The following DACH2 variants were observed in gnomAD, a reference collection of about 807,000 sequenced individuals.
DACH2 encodes dachshund family transcription factor 2.
A neutral mutation model predicts 35.8 loss-of-function variants in DACH2; 17 were observed. That is an observed-to-expected ratio of 0.48 (90% CI 0.33 to 0.71). The LOEUF is 0.71. Ranked by LOEUF, DACH2 falls within the 30% of genes least tolerant of loss-of-function variation. The pLI is 0.02. For synonymous variants in DACH2, 195 were observed against 177.3 expected (o/e 1.10, Z -0.79); for missense variants, 469 against 472.7 (o/e 0.99, Z 0.07).
chrX:86,327,225 A>T (rs1449316658), intron 1 of DACH2, among the ~76,000 whole-genome samples: 2 of 112,238 alleles, frequency 1.8e-5, no homozygotes, highest in African/African-American at 6.5e-5. Context: ...AGTTGTCACT[A>T]TGAAATATTG....
chrX:86,339,671 C>A (rs2035380343), intron 1 of DACH2, among the ~76,000 whole-genome samples: 1 of 111,657 alleles, frequency 9.0e-6, no homozygotes, highest in South Asian at 3.7e-4. Context: ...ACTCTGGCTT[C>A]AAAGTCTATA....
intron 7 of DACH2, among the ~76,000 whole-genome samples, chrX:86,802,383 G>A (rs1012486835): frequency 1.8e-5 from 2 of 110,649 alleles, no homozygotes; most frequent in Non-Finnish European, 3.8e-5. Context: ...ACCTTCCATT[G>A]ACTCTTTCTA....
At chrX:86,338,337 C>A (rs1356677492) in intron 1 of DACH2, among the ~76,000 whole-genome samples, 1 of 111,512 alleles carries the variant, frequency 9.0e-6, no homozygotes, top group Non-Finnish European at 1.9e-5. Flanking sequence ...TAGAGCAAAT[C>A]TGAAGGAACA....
At chrX:86,559,877 G>T (rs1479524057) in intron 3 of DACH2, among the ~76,000 whole-genome samples, 1 of 64,153 alleles carries the variant, frequency 1.6e-5, no homozygotes, top group Non-Finnish European at 2.7e-5. Context: ...ACACTGATGG[G>T]TCTTGATTCT....
At chrX:86,596,303 A>G (rs2039711504) in intron 3 of DACH2, among the ~76,000 whole-genome samples, 1 of 111,772 alleles carries the variant, frequency 8.9e-6, no homozygotes, top group Non-Finnish European at 1.9e-5. Flanking sequence ...GGAACTACCA[A>G]ACTGTTTTAC....
rs956017990 is a variant in DACH2 at position 86,348,205 on chromosome X, C to T, written c.489-28619C>T. On this transcript the variant is annotated intron_variant, in intron 1 of 11. Transcript: ENST00000373125. ...TCATGTACAGACAGAATCAGAGAAC[C>T]TCCTACACAAACCCTTATCATCTCG... is the stretch of plus-strand genomic sequence containing the variant. Among the ~76,000 whole-genome samples the T allele has an allele frequency of 1.7e-4, 19 of 111,634 alleles. 1 individual carries two copies. The highest frequency in any genetic ancestry group is 1.7e-4 in the Non-Finnish European group (9 of 53,160).
chrX:86,686,230 T>TTTAC (rs2040941633), intron 4 of DACH2, among the ~76,000 whole-genome samples: 1 of 110,865 alleles, frequency 9.0e-6, no homozygotes, highest in Non-Finnish European at 1.9e-5. Flanking sequence ...ATTTTATTTA[T>TTTAC]TTATTTATTT....
intron 1 of DACH2, among the ~76,000 whole-genome samples, chrX:86,375,417 A>G (rs901876235): frequency 3.3e-4 from 33 of 101,341 alleles, no homozygotes; most frequent in Non-Finnish European, 6.0e-4. Flanking sequence ...ATATATGTAT[A>G]TATATATAGT....
At chrX:86,668,023 T>A (rs1275651559) in intron 4 of DACH2, among the ~76,000 whole-genome samples, 1 of 112,327 alleles carries the variant, frequency 8.9e-6, no homozygotes, top group Admixed American at 9.4e-5. Context: ...ATTTCATCCA[T>A]ATAGGGATAT....
intron 1 of DACH2, among the ~76,000 whole-genome samples, chrX:86,374,636 T>C (rs1291244493): frequency 1.8e-5 from 2 of 111,445 alleles, no homozygotes; most frequent in Non-Finnish European, 3.8e-5. Context: ...TTTATAAGAA[T>C]GTGAACATAT....
At chrX:86,170,820 G>C (rs933680857) in intron 1 of DACH2, among the ~76,000 whole-genome samples, 1 of 112,494 alleles carries the variant, frequency 8.9e-6, no homozygotes, top group African/African-American at 3.2e-5. Context: ...TGTGCCCAAG[G>C]TGATAAGGGC....
At chrX:86,290,051 G>T (rs1334579598) in intron 1 of DACH2, among the ~76,000 whole-genome samples, 1 of 90,143 alleles carries the variant, frequency 1.1e-5, no homozygotes, top group African/African-American at 4.3e-5. Flanking sequence ...GTGTAAAAGT[G>T]TTCCTATTTC....
intron 7 of DACH2, among the ~76,000 whole-genome samples, chrX:86,810,882 G>T (rs1232241447): frequency 9.0e-6 from 1 of 111,480 alleles, no homozygotes; most frequent in African/African-American, 3.3e-5. Flanking sequence ...CAAATGTCTT[G>T]TAAGAGTTTA....
chrX:86,188,717 T>C (rs994200049), intron 1 of DACH2, among the ~76,000 whole-genome samples: 2 of 111,761 alleles, frequency 1.8e-5, no homozygotes, highest in Non-Finnish European at 3.8e-5. Context: ...GAAGGGGCCA[T>C]TAGCCAAGGA....
At chrX:86,335,401 A>G (rs1163850522) in intron 1 of DACH2, among the ~76,000 whole-genome samples, 2 of 111,955 alleles carry the variant, frequency 1.8e-5, no homozygotes, top group Non-Finnish European at 3.8e-5. Context: ...ATGTTTTTCC[A>G]TGTATTTGTG....
intron 1 of DACH2, among the ~76,000 whole-genome samples, chrX:86,297,800 G>T (rs1348129490): frequency 2.7e-5 from 3 of 112,146 alleles, no homozygotes; most frequent in Non-Finnish European, 5.6e-5. Context: ...TAGTCAATGG[G>T]ATATTAATAG....
chrX:86,235,238 A>G (rs1329137981), intron 1 of DACH2, among the ~76,000 whole-genome samples: 1 of 112,150 alleles, frequency 8.9e-6, no homozygotes, highest in Non-Finnish European at 1.9e-5. Context: ...ACATACTATC[A>G]GCATGATTTA....
In DACH2 at chrX:86,477,339, C is replaced by CATATATATAT. The variant is rs56255658; in HGVS notation, c.528-36918_528-36909dup. ...TATCTGAGTTCTTCAGTGTTGAGTG[C>CATATATATAT]ATATATATATATATATATATATATA... On this transcript the variant is annotated intron_variant, in intron 2 of 11. Coordinates refer to ENST00000373125, the MANE Select transcript of DACH2 (RefSeq NM_053281.3). Among the ~76,000 whole-genome samples the CATATATATAT allele has an allele frequency of 4.4e-3, 335 of 75,816 alleles. 2 individuals are homozygous for CATATATATAT. The highest frequency in any genetic ancestry group is 0.011 in the African/African-American group (237 of 21,103). The allele number at this position is 75,816 out of a possible 115,157, so 65.8% of individuals were successfully genotyped here.
At chrX:86,241,078 G>A (rs936674656) in intron 1 of DACH2, among the ~76,000 whole-genome samples, 2 of 111,986 alleles carry the variant, frequency 1.8e-5, no homozygotes, top group Non-Finnish European at 3.8e-5. Context: ...GTAGTGGGGC[G>A]ATGCTATAAA....
Sources: gnomAD v4.1 joint callset for allele counts (sites outside exome capture counted in the v4.1 genomes callset) on GRCh38, gnomAD v4.1.1 for gene constraint, MANE v1.5 for transcripts, NCBI Gene and HGNC (gene_info 2026-07-23, HGNC 2026-07-21) for gene names.